The following ZCWPW1 variants were observed in gnomAD, a reference collection of about 807,000 sequenced individuals.
ZCWPW1 encodes the protein zinc finger CW-type and PWWP domain containing 1.
In ZCWPW1, 56 loss-of-function variants were observed where a neutral mutation model predicts 81.3. The observed-to-expected ratio is 0.69, with a 90% CI of 0.56 to 0.86. The LOEUF (loss-of-function observed/expected upper bound fraction) is 0.86, where lower values mean the gene tolerates loss of function less well. Among genes scored for constraint, ZCWPW1 ranks in the 40% least tolerant of loss-of-function variants. The probability of loss-of-function intolerance (pLI) is 0.00; values close to 1 mark genes in which losing one functional copy is unlikely to be tolerated. For missense variants in ZCWPW1, 650 were observed against 769.8 expected (o/e 0.84, Z 1.84); for synonymous variants, 250 against 273.7 (o/e 0.91, Z 0.86).
chr7:100,427,655 C>T (rs1371762485), intron 1 of ZCWPW1, among the ~76,000 whole-genome samples: 1 of 150,114 alleles, frequency 6.7e-6, no homozygotes, highest in African/African-American at 2.5e-5. Context: ...GCCGAGACTG[C>T]GCCACTGCAC....
At chr7:100,405,354 G>A (rs1792772429) in intron 12 of ZCWPW1, among the ~76,000 whole-genome samples, 1 of 151,810 alleles carries the variant, frequency 6.6e-6, no homozygotes, top group East Asian at 1.9e-4. Context: ...TTGAACCCAG[G>A]AGGCAGAGGT....
Position 100,417,159 on chromosome 7 carries a change from G to A in ZCWPW1, c.386C>T (p.Ala129Val). The A allele has an allele frequency of 1.2e-6, 2 of 1,613,278 alleles. No homozygotes were observed. Among genetic ancestry groups the A allele is most frequent in the Non-Finnish European group, 1.7e-6 (2 of 1,179,772 alleles). ...TACGGGCTGGGCACAAGAAGTCTCT[G>A]CAAAATCAAGGCCAGATCCCATCCC... is the stretch of plus-strand genomic sequence containing the variant. ...CLGMGSGLDFAETSCAQPVVS... is the reference protein window; with the variant it reads ...CLGMGSGLDFVETSCAQPVVS... The change falls in exon 6 of 18, where the codon GCA (alanine) becomes GTA (valine). Residue 129 changes from alanine (A) to valine (V), a missense_variant. Ala to Val is a moderately conservative substitution (Grantham distance 64, BLOSUM62 0). Transcript: ENST00000684423.
rs566250820 is a variant in ZCWPW1, at chr7:100,408,412, C to T, written c.992+127G>A. 3.0e-5 allele frequency: 39 copies of T among 1,315,184 alleles called. No individual in the cohort carries two copies. The East Asian group carries it at 9.0e-4, about 30-fold the overall frequency. The allele number at this position is 1,315,184 out of a possible 1,614,324, so 81.5% of individuals were successfully genotyped here. A position where few individuals can be genotyped will look rare whatever the true frequency, so the allele number is the denominator to read the frequency against. ...AGGCTTGGTACTTTATCTTTTCTCT[C>T]ACCCCATGCTCTTTCTAAGGCCAGA... On this transcript the variant is annotated intron_variant, in intron 10 of 17. Transcript: ENST00000684423.
At chr7:100,404,477 T>C (rs186225238) in intron 13 of ZCWPW1, among the ~76,000 whole-genome samples, 43 of 152,224 alleles carry the variant, frequency 2.8e-4, no homozygotes, top group African/African-American at 8.9e-4. Context: ...CCTCCTGCCT[T>C]AGCCTCCCAA....
intron 5 of ZCWPW1, among the ~76,000 whole-genome samples, chr7:100,418,359 A>T (rs1795736987): frequency 6.6e-6 from 1 of 152,212 alleles, no homozygotes; most frequent in African/African-American, 2.4e-5. Flanking sequence ...ACTGCATTTT[A>T]AAAATTTAGG....
At position 100,419,834 on chromosome 7, in the gene ZCWPW1, A is replaced by C; in HGVS notation, c.78T>G (p.Ser26=). ...TAGGGCTACAAGGTAACAGGCTGTA[A>C]GATTTTTGTGCAGGTGGGGCAAAGA... The part of the protein sequence containing the change: ...KRIFAPPAQK[S]YSLLPCSPNS... Residue 26 remains serine (S), a synonymous_variant, in exon 4 of 18, where the codon TCT becomes TCG. Transcript: ENST00000684423. The C allele has an allele frequency of 1.3e-6, 2 of 1,597,166 alleles. No individual in the cohort carries two copies. The highest frequency in any genetic ancestry group is 2.3e-5 in the South Asian group (2 of 87,678).
chr7:100,427,568 G>T (rs1797876962), intron 1 of ZCWPW1, among the ~76,000 whole-genome samples: 1 of 151,818 alleles, frequency 6.6e-6, no homozygotes, highest in Non-Finnish European at 1.5e-5. Context: ...GCACAGTGGC[G>T]GGCGCCTGTA....
chr7:100,413,699 C>G (rs1794654343), intron 8 of ZCWPW1, among the ~76,000 whole-genome samples: 1 of 152,200 alleles, frequency 6.6e-6, no homozygotes, highest in African/African-American at 2.4e-5. Flanking sequence ...ATCTGCCAGC[C>G]TAAGATCTAG....
At chr7:100,409,633 C>A in intron 8 of ZCWPW1, 89 bp from the exon 9 acceptor site, 1 of 907,754 alleles carries the variant, frequency 1.1e-6, no homozygotes, top group East Asian at 2.6e-5. Flanking sequence ...CTCCCAACTC[C>A]CAGAATGACA....
chr7:100,428,119 T>C (rs901439860), intron 1 of ZCWPW1, among the ~76,000 whole-genome samples: 3 of 152,146 alleles, frequency 2.0e-5, no homozygotes, highest in Non-Finnish European at 4.4e-5. Context: ...TGGCAGCGCC[T>C]AGCACCTTCA....
chr7:100,425,305 G>A (rs1797114349), intron 1 of ZCWPW1, among the ~76,000 whole-genome samples, 169 bp from the exon 2 acceptor site: 1 of 152,092 alleles, frequency 6.6e-6, no homozygotes, highest in South Asian at 2.1e-4. Flanking sequence ...CAGGGTGTGG[G>A]GTTGCGGGGA....
chr7:100,424,994 C>T (rs1319780705), intron 2 of ZCWPW1, 36 bp downstream of exon 2: 1 of 152,062 alleles, frequency 6.6e-6, no homozygotes, highest in East Asian at 1.9e-4. Context: ...ATAATCTGTG[C>T]ATGTGATAAC....
At chr7:100,424,319 C>A (rs1406520451) in intron 2 of ZCWPW1, among the ~76,000 whole-genome samples, 1 of 151,866 alleles carries the variant, frequency 6.6e-6, no homozygotes, top group Non-Finnish European at 1.5e-5. Context: ...TAAATTTTCT[C>A]TGGAAGAGAA....
rs13238707 is a variant in ZCWPW1 at position 100,406,159 on chromosome 7, T to C, written c.1173+535A>G. On this transcript the variant is annotated intron_variant, in intron 12 of 17. Coordinates refer to ENST00000684423, the MANE Select transcript of ZCWPW1 (RefSeq NM_001386010.1). Reference sequence around the variant, plus strand: ...CCAAAGTGACTACAGGGAGGAAATATGATGGTGCTAACCCAATGGTTCTCA... The same window carrying C: ...CCAAAGTGACTACAGGGAGGAAATACGATGGTGCTAACCCAATGGTTCTCA... Among the ~76,000 whole-genome samples the C allele has an allele frequency of 9.8e-3, 1,493 of 152,264 alleles. 6 individuals carry two copies. Among genetic ancestry groups the C allele is most frequent in the Non-Finnish European group, 0.014 (933 of 68,026 alleles).
chr7:100,426,617 T>C (rs1160076509), intron 1 of ZCWPW1, among the ~76,000 whole-genome samples: 1 of 151,492 alleles, frequency 6.6e-6, no homozygotes, highest in Non-Finnish European at 1.5e-5. Context: ...CTAATAGCAG[T>C]TTCCTCCCTC....
intron 16 of ZCWPW1, 131 bp downstream of exon 16, chr7:100,402,385 G>A (rs757280620): frequency 7.0e-6 from 7 of 1,006,146 alleles, no homozygotes; most frequent in Non-Finnish European, 1.1e-5. Context: ...GACACTATGG[G>A]TGAGTGTTGC....
chr7:100,401,300 G>T lies in ZCWPW1; in HGVS notation c.1664C>A (p.Ala555Asp), dbSNP rs1054912787. ...TCCCTCTGAAAAGCTGGCTGCCAAG[G>T]CCTTGCTCTGGGGAGCTTTAAATTT... ...KKKFKAPQSK[A>D]LAASFSEGKE... Residue 555 changes from alanine to aspartate, a missense_variant, in exon 18 of 18, where the codon GCC (alanine) becomes GAC (aspartate). Ala to Asp is a moderately radical substitution (Grantham distance 126). Coordinates refer to ENST00000684423, the MANE Select transcript of ZCWPW1 (RefSeq NM_001386010.1). 1 of 1,589,256 alleles carries T rather than the reference G, an allele frequency of 6.3e-7. No homozygotes were observed. Among genetic ancestry groups the T allele is most frequent in the Admixed American group, 1.8e-5 (1 of 55,392 alleles).
In ZCWPW1 at chr7:100,419,854, CAA is replaced by C. The variant is rs1796030993; in HGVS notation, c.56_57del (p.Phe19CysfsTer14). The C allele has an allele frequency of 6.3e-7, 1 of 1,586,010 alleles. No homozygotes were observed. The highest frequency in any genetic ancestry group is 1.4e-5 in the African/African-American group (1 of 73,052). The stretch of plus-strand genomic sequence containing the variant: ...CTGTAAGATTTTTGTGCAGGTGGGG[CAA>C]AGATTCTCTTTGGTCCCTTTCCACA... ...EECGKGPKRI[F>X]APPAQKSYSL... is the part of the protein sequence containing the mutation. On this transcript the variant is annotated frameshift_variant, in exon 4 of 18. Transcript: ENST00000684423. LOFTEE classifies it high-confidence loss of function.
chr7:100,426,564 A>G (rs1797389248), intron 1 of ZCWPW1, among the ~76,000 whole-genome samples: 1 of 151,722 alleles, frequency 6.6e-6, no homozygotes, highest in Admixed American at 6.6e-5. Flanking sequence ...TTTTGCATTA[A>G]TAACAGTATG....
Sources: allele counts gnomAD v4.1 joint callset (sites outside exome capture counted in the v4.1 genomes callset), GRCh38; gene constraint gnomAD v4.1.1; transcripts MANE v1.5; gene names NCBI Gene and HGNC (gene_info 2026-07-23, HGNC 2026-07-21).